Variants in TNFRSF11A observed in about 807,000 individuals in gnomAD.
TNFRSF11A encodes TNF receptor superfamily member 11a, also known as tumor necrosis factor receptor superfamily member 11A.
TNFRSF11A carries 32 observed loss-of-function variants against 55.7 expected under a neutral mutation model. The observed-to-expected ratio is 0.57, with a 90% confidence interval of 0.43 to 0.77. The LOEUF (loss-of-function observed/expected upper bound fraction) is 0.77. Among genes scored for constraint, TNFRSF11A ranks in the 30% least tolerant of loss-of-function variants. TNFRSF11A has a pLI of 0.00. For missense variants in TNFRSF11A, 753 were observed against 809.8 expected (o/e 0.93, Z 0.85); for synonymous variants, 311 against 331.0 (o/e 0.94, Z 0.65).
chr18:62,326,744 GT>G (rs894288432), intron 1 of TNFRSF11A, among the ~76,000 whole-genome samples: 14 of 152,182 alleles, frequency 9.2e-5, no homozygotes, highest in African/African-American at 3.1e-4. Flanking sequence ...AACAAATGCT[GT>G]TTCCCGTCTT....
chr18:62,379,382 A>G (rs1911113531), intron 9 of TNFRSF11A, among the ~76,000 whole-genome samples: 1 of 152,238 alleles, frequency 6.6e-6, no homozygotes, highest in East Asian at 1.9e-4. Flanking sequence ...TGTTTTCTAA[A>G]GTCCATGGGT....
intron 9 of TNFRSF11A, among the ~76,000 whole-genome samples, chr18:62,370,182 A>G (rs765474916): frequency 3.9e-5 from 6 of 152,218 alleles, no homozygotes; most frequent in Non-Finnish European, 5.9e-5. Context: ...TTATAATATT[A>G]TAACTTTTTC....
chr18:62,352,917 T>C (rs779593053), intron 3 of TNFRSF11A, among the ~76,000 whole-genome samples: 6 of 152,186 alleles, frequency 3.9e-5, no homozygotes, highest in Non-Finnish European at 7.4e-5. Flanking sequence ...TGTTTTTCCC[T>C]TGGAATTCCT....
At chr18:62,363,165 G>A (rs1005502905) in intron 7 of TNFRSF11A, among the ~76,000 whole-genome samples, 14 of 151,750 alleles carry the variant, frequency 9.2e-5, no homozygotes, top group African/African-American at 3.1e-4. Flanking sequence ...TTATTTATAG[G>A]GCCCACCTTT....
chr18:62,331,414 A>G (rs2046151765), intron 1 of TNFRSF11A, among the ~76,000 whole-genome samples: 1 of 152,082 alleles, frequency 6.6e-6, no homozygotes, highest in African/African-American at 2.4e-5. Flanking sequence ...AGGCTCTTGA[A>G]TCTCCCCTTT....
intron 3 of TNFRSF11A, among the ~76,000 whole-genome samples, 167 bp from the exon 4 acceptor site, chr18:62,354,224 T>C (rs1278229276): frequency 1.3e-5 from 2 of 152,144 alleles, no homozygotes; most frequent in African/African-American, 4.8e-5. Context: ...GTGCAGGAAG[T>C]GCGAGGAGGA....
chr18:62,342,032 G>A (rs548695416), intron 1 of TNFRSF11A, among the ~76,000 whole-genome samples: 3 of 151,688 alleles, frequency 2.0e-5, no homozygotes, highest in Non-Finnish European at 4.4e-5. Context: ...TCATACTCTT[G>A]TCACCAGCGC....
At chr18:62,371,053 C>T (rs528564284) in intron 9 of TNFRSF11A, among the ~76,000 whole-genome samples, 75 of 152,318 alleles carry the variant, frequency 4.9e-4, no homozygotes, top group African/African-American at 1.5e-3. Flanking sequence ...TGGTCTCAAA[C>T]GCCTGACCTC....
At chr18:62,347,388 T>G (rs1169879626) in intron 1 of TNFRSF11A, among the ~76,000 whole-genome samples, 3 of 152,358 alleles carry the variant, frequency 2.0e-5, no homozygotes, top group Non-Finnish European at 4.4e-5. Flanking sequence ...TGGGTGATTA[T>G]AGATGCCTGG....
At chr18:62,384,046 A>AACACAC (rs58712892) in intron 9 of TNFRSF11A, among the ~76,000 whole-genome samples, 124 of 146,046 alleles carry the variant, frequency 8.5e-4, no homozygotes, top group East Asian at 4.1e-3. Context: ...TTCTGTGTTG[A>AACACAC]ACACACACAC....
intron 9 of TNFRSF11A, among the ~76,000 whole-genome samples, chr18:62,373,698 C>G (rs949514132): frequency 9.2e-5 from 14 of 152,166 alleles, no homozygotes; most frequent in African/African-American, 3.4e-4. Context: ...CTGCCCTGGG[C>G]TCACCTAGTG....
chr18:62,339,422 G>A (rs1367610575), intron 1 of TNFRSF11A, among the ~76,000 whole-genome samples: 4 of 152,220 alleles, frequency 2.6e-5, no homozygotes, highest in Admixed American at 6.5e-5. Flanking sequence ...CAAGGAAGAC[G>A]TGGACACCAG....
In TNFRSF11A at chr18:62,388,384, G is replaced by T. The variant is rs1277857552; in HGVS notation, c.*3350G>T. On this transcript the variant is annotated 3_prime_UTR_variant, in exon 10 of 10. Coordinates refer to ENST00000586569, the MANE Select transcript of TNFRSF11A (RefSeq NM_003839.4). Reference sequence around the variant, plus strand: ...CTGTCACTTCTGCCACATTCTGTGGGCCAAAGCAGGTCACAAAGGCAGCCC... The same window carrying T: ...CTGTCACTTCTGCCACATTCTGTGGTCCAAAGCAGGTCACAAAGGCAGCCC... 1 of 152,276 alleles carries T rather than the reference G, an allele frequency of 6.6e-6. No individual in the cohort carries two copies. The highest frequency in any genetic ancestry group is 2.4e-5 in the African/African-American group (1 of 41,442). 9.4% of individuals were successfully genotyped at this position (152,276 alleles called of 1,614,324 possible).
chr18:62,341,835 GCT>G (rs1491442279), intron 1 of TNFRSF11A, among the ~76,000 whole-genome samples: 50 of 68,824 alleles, frequency 7.3e-4, no homozygotes, highest in South Asian at 8.8e-4. Context: ...GCTGAGAATG[GCT>G]TTTTTTTTTT....
rs57219485 is a variant in TNFRSF11A at position 62,362,490 on chromosome 18, CAAAAAAAAA to C, written c.730+712_730+720del. On this transcript the variant is annotated intron_variant, in intron 7 of 9. Transcript: ENST00000586569. ...GGACAACAAGAGCAAAACTTCATCT[CAAAAAAAAA>C]AAAAAAAAAAAAAAGAACCTTCGAT... Among the ~76,000 whole-genome samples the C allele has an allele frequency of 7.9e-5, 6 of 75,894 alleles. No homozygotes were observed. The South Asian group carries it at 1.6e-3, about 20-fold the overall frequency. The allele number at this position is 75,894 out of a possible 152,430, so 49.8% of individuals were successfully genotyped here.
chr18:62,343,144 ACT>A (rs1274260604), intron 1 of TNFRSF11A, among the ~76,000 whole-genome samples: 2 of 152,272 alleles, frequency 1.3e-5, no homozygotes, highest in East Asian at 3.9e-4. Flanking sequence ...ACATCTTTCG[ACT>A]CTACTGTAAG....
At chr18:62,357,660 A>G (rs1909359669) in intron 4 of TNFRSF11A, among the ~76,000 whole-genome samples, 1 of 152,234 alleles carries the variant, frequency 6.6e-6, no homozygotes, top group Non-Finnish European at 1.5e-5. Flanking sequence ...CCTTGGTTGC[A>G]GGGAAAGAGA....
At chr18:62,341,805 G>A (rs1213570108) in intron 1 of TNFRSF11A, among the ~76,000 whole-genome samples, 1 of 131,728 alleles carries the variant, frequency 7.6e-6, no homozygotes, top group Non-Finnish European at 1.6e-5. Flanking sequence ...TAGCACTATT[G>A]TACAGGTGAG....
intron 9 of TNFRSF11A, chr18:62,372,758 A>T (rs1264061283): frequency 6.6e-6 from 1 of 152,150 alleles, no homozygotes; most frequent in Non-Finnish European, 1.5e-5. Context: ...GAGAACACGC[A>T]GTGTTTGGTT....
Sources: gnomAD v4.1 joint callset for allele counts (sites outside exome capture counted in the v4.1 genomes callset) on GRCh38, gnomAD v4.1.1 for gene constraint, MANE v1.5 for transcripts, NCBI Gene and HGNC (gene_info 2026-07-23, HGNC 2026-07-21) for gene names.